The following FSCN3 variants were observed in gnomAD, a reference collection of about 807,000 sequenced individuals.
FSCN3 encodes fascin-3.
A neutral mutation model predicts 53.5 loss-of-function variants in FSCN3; 43 were observed. The observed-to-expected ratio is 0.80, with a 90% CI of 0.63 to 1.04. The LOEUF (loss-of-function observed/expected upper bound fraction) is 1.04, where lower values mean the gene tolerates loss of function less well. Among genes scored for constraint, FSCN3 ranks in the 50% least tolerant of loss-of-function variants. The pLI is 0.00. For synonymous variants in FSCN3, 235 were observed against 246.6 expected (o/e 0.95, Z 0.44); for missense variants, 594 against 646.5 (o/e 0.92, Z 0.88).
At position 127,596,372 on chromosome 7, in the gene FSCN3, T is replaced by A; in HGVS notation, c.886T>A (p.Leu296Met). ...TTCTGAGCGCTTAAACCGAATGTCC[T>A]TGTTCCAGTTTGAATGTGACAGTGA... The part of the protein sequence containing the change: ...AASERLNRMS[L>M]FQFECDSESP... The change falls in exon 3 of 7, where the codon TTG becomes ATG. Residue 296 changes from leucine (L) to methionine (M), a missense_variant. Physicochemically the swap from Leu to Met is conservative, Grantham distance 15. Transcript: ENST00000265825. The A allele has an allele frequency of 6.2e-7, 1 of 1,613,272 alleles. No individual in the cohort carries two copies. Among genetic ancestry groups the A allele is most frequent in the Non-Finnish European group, 8.5e-7 (1 of 1,179,198 alleles).
rs1427706246 is a variant in FSCN3 at position 127,595,817 on chromosome 7, G to A, written c.655G>A (p.Val219Met). Residue 219 changes from valine to methionine, a missense_variant, in exon 2 of 7, where the codon GTG (valine) becomes ATG (methionine). Transcript: ENST00000265825. ...PSSQTAFHMQ[V>M]RPGGLVALCD... ...ATCACAGACAGCTTTTCACATGCAA[G>A]TGCGGCCTGGAGGGCTTGTGGCACT... 6.2e-7 allele frequency: 1 copy of A among 1,613,472 alleles called. No homozygotes were observed. The highest frequency in any genetic ancestry group is 2.2e-5 in the East Asian group (1 of 44,894).
At chr7:127,600,673 G>A (rs1186276922) in intron 6 of FSCN3, among the ~76,000 whole-genome samples, 2 of 152,190 alleles carry the variant, frequency 1.3e-5, no homozygotes, top group Non-Finnish European at 2.9e-5. Context: ...GGGACAGGGT[G>A]AGGTGTTCTT....
Position 127,593,990 on chromosome 7 carries a change from G to A in FSCN3, c.137G>A (p.Arg46Lys). 6.2e-7 allele frequency: 1 copy of A among 1,612,824 alleles called. No individual in the cohort carries two copies. Among genetic ancestry groups the A allele is most frequent in the Non-Finnish European group, 8.5e-7 (1 of 1,179,548 alleles). Residue 46 changes from arginine to lysine, a missense_variant, in exon 1 of 7, where the codon AGG (arginine) becomes AAG (lysine). Physicochemically the swap from Arg to Lys is conservative, Grantham distance 26 (BLOSUM62 2). Coordinates refer to ENST00000265825, the MANE Select transcript of FSCN3 (RefSeq NM_020369.3). ...ACTGCAACTGCGAAGAGTTTGGGCA[G>A]GAGACAGGTGACAAAGCAAACCCAT... ...TVTATAKSLG[R>K]RQTWEILVSN...
At position 127,601,812 on chromosome 7, in the gene FSCN3, T is replaced by A. The variant is rs1368479461; in HGVS notation, c.*190T>A. ...GCCACCCCCAAGATCCTTGTGTGCA[T>A]CTGACTCAATATAGAATAGGGGTCT... On this transcript the variant is annotated 3_prime_UTR_variant, in exon 7 of 7. Transcript: ENST00000265825. 1 of 152,156 alleles carries A rather than the reference T, an allele frequency of 6.6e-6. No individual in the cohort carries two copies. Among genetic ancestry groups the A allele is most frequent in the African/African-American group, 2.4e-5 (1 of 41,428 alleles). The allele number at this position is 152,156 out of a possible 1,614,324, so 9.4% of individuals were successfully genotyped here.
Position 127,596,294 on chromosome 7 carries a change from G to A in FSCN3, c.842-34G>A, listed in dbSNP as rs201723688. 7 of 1,556,616 alleles carry A rather than the reference G, an allele frequency of 4.5e-6. No individual in the cohort carries two copies. In the Admixed American group the frequency reaches 1.0e-4, roughly 22 times the overall value. Reference sequence around the variant, plus strand: ...ACATGGAGGAGGGGCCGAGACTGAGGGGAGGCTTTTACTGACATGCGCTTC... The same window carrying A: ...ACATGGAGGAGGGGCCGAGACTGAGAGGAGGCTTTTACTGACATGCGCTTC... On this transcript the variant is annotated intron_variant, in intron 2 of 6. Coordinates refer to ENST00000265825, the MANE Select transcript of FSCN3 (RefSeq NM_020369.3).
chr7:127,596,408 G>A lies in FSCN3; in HGVS notation c.922G>A (p.Val308Met). ...QFECDSESPTVQLRSANGYYL... is the reference protein window; with the variant it reads ...QFECDSESPTMQLRSANGYYL... The stretch of plus-strand genomic sequence containing the variant: ...TGAATGTGACAGTGAGAGCCCCACT[G>A]TGCAGCTTCGTTCAGCCAATGGCTA... The change falls in exon 3 of 7, where the codon GTG becomes ATG. Residue 308 changes from valine (V) to methionine (M), a missense_variant. Physicochemically the swap from Val to Met is conservative, Grantham distance 21. Transcript: ENST00000265825. 6.2e-7 allele frequency: 1 copy of A among 1,607,418 alleles called. No homozygotes were observed.
chr7:127,593,958 T>C lies in FSCN3; in HGVS notation c.105T>C (p.Asn35=), dbSNP rs1433448428. 1.9e-6 allele frequency: 3 copies of C among 1,612,404 alleles called. No homozygotes were observed. The highest frequency in any genetic ancestry group is 1.7e-5 in the Admixed American group (1 of 59,776). Residue 35 remains asparagine (N), a synonymous_variant, in exon 1 of 7, where the codon AAT becomes AAC. Coordinates refer to ENST00000265825, the MANE Select transcript of FSCN3 (RefSeq NM_020369.3). ...ACCTCACCTTTGAGGCATGCAAGAA[T>C]ACAGTCACTGCAACTGCGAAGAGTT... ...GTYLTFEACK[N]TVTATAKSLG... is the part of the protein sequence containing the mutation.
chr7:127,594,553 AGAG>A (rs1329723655), intron 1 of FSCN3: 6 of 471,036 alleles, frequency 1.3e-5, no homozygotes, highest in African/African-American at 4.0e-5. Flanking sequence ...TGTGTCAGAA[AGAG>A]GAGAAGTGGA....
At position 127,595,329 on chromosome 7, in the gene FSCN3, A is replaced by G. The variant is rs1385749165; in HGVS notation, c.167A>G (p.Asn56Ser). The change falls in exon 2 of 7, where the codon AAT becomes AGT. Residue 56 changes from asparagine to serine, a missense_variant. Transcript: ENST00000265825. Reference sequence around the variant, plus strand: ...CAGACCTGGGAGATCTTGGTGAGCAATGAGCATGAGACACAGGCCGTGGTG... The same window carrying G: ...CAGACCTGGGAGATCTTGGTGAGCAGTGAGCATGAGACACAGGCCGTGGTG... ...RRQTWEILVS[N>S]EHETQAVVRL... 6 of 1,611,952 alleles carry G rather than the reference A, an allele frequency of 3.7e-6. No individual in the cohort carries two copies. Among genetic ancestry groups the G allele is most frequent in the East Asian group, 4.5e-5 (2 of 44,838 alleles).
chr7:127,594,514 AAGAAG>A (rs1233348960), intron 1 of FSCN3: 4 of 470,754 alleles, frequency 8.5e-6, no homozygotes, highest in African/African-American at 2.0e-5. Flanking sequence ...TTGTGTCAGA[AAGAAG>A]AGAAGTGGAG....
intron 1 of FSCN3, chr7:127,594,360 C>G (rs1159185188): frequency 2.3e-6 from 1 of 425,594 alleles, no homozygotes; most frequent in Admixed American, 2.8e-5. Context: ...AGGCCTGAGA[C>G]TTTTCTACTC....
intron 2 of FSCN3, 162 bp from the exon 3 acceptor site, chr7:127,596,166 A>G (rs1794384809): frequency 3.0e-6 from 3 of 985,156 alleles, no homozygotes; most frequent in African/African-American, 1.7e-5. Flanking sequence ...AAGCATGGGT[A>G]TGGGATTTAG....
intron 3 of FSCN3, among the ~76,000 whole-genome samples, chr7:127,597,111 A>G (rs1377017678): frequency 6.6e-6 from 1 of 152,192 alleles, no homozygotes; most frequent in Non-Finnish European, 1.5e-5. Context: ...TGATTTGTTT[A>G]TCTATTCACT....
chr7:127,594,061 C>A, intron 1 of FSCN3, 64 bp downstream of exon 1: 2 of 1,377,472 alleles, frequency 1.5e-6, no homozygotes, highest in African/African-American at 1.5e-5. Flanking sequence ...TGTGTGTGTG[C>A]GCGCGCGCGT....
rs1313864470 is a variant in FSCN3 at position 127,594,557 on chromosome 7, G to A, written c.144+560G>A. 6.4e-6 allele frequency: 3 copies of A among 471,092 alleles called. No homozygotes were observed. In the East Asian group the frequency reaches 2.1e-4, roughly 33 times the overall value. The allele number at this position is 471,092 out of a possible 1,614,324, so 29.2% of individuals were successfully genotyped here. ...CACAGGGTGGTTGTGTCAGAAAGAG[G>A]AGAAGTGGAGAGCCCAGGTGGGAAA... is the stretch of plus-strand genomic sequence containing the variant. On this transcript the variant is annotated intron_variant, in intron 1 of 6. Transcript: ENST00000265825.
intron 4 of FSCN3, 21 bp from the exon 5 acceptor site, chr7:127,599,360 A>G: frequency 6.2e-7 from 1 of 1,603,566 alleles, no homozygotes; most frequent in Non-Finnish European, 8.5e-7. Context: ...CATCCAGATA[A>G]CTCCTTCCTA....
At position 127,599,463 on chromosome 7, in the gene FSCN3, A is replaced by G. The variant is rs1794439030; in HGVS notation, c.1203A>G (p.Ser401=). Residue 401 remains serine, a synonymous_variant, in exon 5 of 7, where the codon TCA becomes TCG. Coordinates refer to ENST00000265825, the MANE Select transcript of FSCN3 (RefSeq NM_020369.3). ...GTCGTTATGGCTATGTGGGCTCCTC[A>G]TCGGGCCATGACCTCATACAGTGCA... The part of the protein sequence containing the change: ...LRGRYGYVGS[S]SGHDLIQCNQ... 2 of 1,613,916 alleles carry G rather than the reference A, an allele frequency of 1.2e-6. No individual in the cohort carries two copies. The highest frequency in any genetic ancestry group is 2.2e-5 in the East Asian group (1 of 44,874).
intron 1 of FSCN3, chr7:127,594,629 C>A (rs1056179989): frequency 1.3e-5 from 6 of 471,026 alleles, no homozygotes; most frequent in African/African-American, 1.2e-4. Flanking sequence ...GGAGTTATTG[C>A]AAAGCCTATG....
Position 127,600,256 on chromosome 7 carries a change from G to T in FSCN3, c.1354G>T (p.Ala452Ser). The T allele has an allele frequency of 6.2e-7, 1 of 1,610,176 alleles. No homozygotes were observed. Among genetic ancestry groups the T allele is most frequent in the Non-Finnish European group, 8.5e-7 (1 of 1,176,330 alleles). ...CACCTTTCGCCCTTGGGGCAAGTTTGCCCTCAACTTCTGTATCGAGCTTCA... is the reference window on the plus strand; with the variant it reads ...CACCTTTCGCCCTTGGGGCAAGTTTTCCCTCAACTTCTGTATCGAGCTTCA... ...FGTFRPWGKF[A>S]LNFCIELQGS... Residue 452 changes from alanine (A) to serine (S), a missense_variant, in exon 6 of 7, where the codon GCC becomes TCC. Physicochemically the swap from Ala to Ser is moderately conservative, Grantham distance 99. Coordinates refer to ENST00000265825, the MANE Select transcript of FSCN3 (RefSeq NM_020369.3).
Sources: gnomAD v4.1 joint callset for allele counts (sites outside exome capture counted in the v4.1 genomes callset) on GRCh38, gnomAD v4.1.1 for gene constraint, MANE v1.5 for transcripts, NCBI Gene and HGNC (gene_info 2026-07-23, HGNC 2026-07-21) for gene names.